The following CCNJL variants were observed in gnomAD, a reference collection of about 807,000 sequenced individuals.
CCNJL encodes the protein cyclin J like.
Under a neutral mutation model 33.4 loss-of-function variants are expected in CCNJL, and 33 were observed. The ratio of observed to expected loss-of-function variants is 0.99; its 90% CI spans 0.75 to 1.32. The LOEUF is 1.32. Among genes scored for constraint, CCNJL ranks in the 40% most tolerant of loss-of-function variants. CCNJL has a pLI of 0.00. For synonymous variants in CCNJL, 227 were observed against 220.9 expected (o/e 1.03, Z -0.24); for missense variants, 512 against 499.7 (o/e 1.02, Z -0.23).
intron 1 of CCNJL, among the ~76,000 whole-genome samples, chr5:160,324,916 A>G (rs1293666030): frequency 9.8e-5 from 15 of 152,328 alleles, no homozygotes; most frequent in Middle Eastern, 3.4e-3. Context: ...GATCTACACT[A>G]TAGAATACGA....
At chr5:160,267,753 T>C (rs1761665928) in intron 3 of CCNJL, among the ~76,000 whole-genome samples, 1 of 152,212 alleles carries the variant, frequency 6.6e-6, no homozygotes, top group South Asian at 2.1e-4. Flanking sequence ...GAAGAGATAG[T>C]GTCTCACTAT....
At chr5:160,291,231 G>A (rs1009719695) in intron 2 of CCNJL, among the ~76,000 whole-genome samples, 4 of 151,912 alleles carry the variant, frequency 2.6e-5, no homozygotes, top group African/African-American at 9.7e-5. Context: ...TGGAGAAGTG[G>A]AAGCTTCAAA....
At chr5:160,336,390 G>C (rs1005420378) in intron 1 of CCNJL, among the ~76,000 whole-genome samples, 1 of 152,208 alleles carries the variant, frequency 6.6e-6, no homozygotes, top group Non-Finnish European at 1.5e-5. Context: ...AGAGGAGAAG[G>C]CTGTGTGACC....
intron 3 of CCNJL, among the ~76,000 whole-genome samples, chr5:160,263,238 C>A (rs1334943183): frequency 6.6e-6 from 1 of 152,220 alleles, no homozygotes; most frequent in African/African-American, 2.4e-5. Context: ...AACACTTCAG[C>A]ATCCGTTCCT....
At chr5:160,338,299 C>T (rs1763706783) in intron 1 of CCNJL, among the ~76,000 whole-genome samples, 1 of 152,118 alleles carries the variant, frequency 6.6e-6, no homozygotes, top group Non-Finnish European at 1.5e-5. Flanking sequence ...ATTTGGGAGG[C>T]TGAGGCGGGA....
At chr5:160,326,867 T>A in intron 1 of CCNJL, 4 of 693,572 alleles carry the variant, frequency 5.8e-6, no homozygotes, top group South Asian at 5.4e-5. Flanking sequence ...AACCTTGTAT[T>A]AGATGATACA....
In CCNJL at chr5:160,255,601, T is replaced by A; in HGVS notation, c.691A>T (p.Ile231Phe). The change falls in exon 5 of 6, where the codon ATC (isoleucine) becomes TTC (phenylalanine). Residue 231 changes from isoleucine to phenylalanine, a missense_variant. Physicochemically the swap from Ile to Phe is conservative, Grantham distance 21. Transcript: ENST00000257536. ...AGGTGCTCCAGGGAATAGCTTGAGATCCTCTGCAGGTCTCTGGTCCAGTAG... is the reference window on the plus strand; with the variant it reads ...AGGTGCTCCAGGGAATAGCTTGAGAACCTCTGCAGGTCTCTGGTCCAGTAG... ...SPYWTRDLQR[I>F]SSYSLEHLST... 1 of 1,614,100 alleles carries A rather than the reference T, an allele frequency of 6.2e-7. No homozygotes were observed. Among genetic ancestry groups the A allele is most frequent in the East Asian group, 2.2e-5 (1 of 44,888 alleles).
At position 160,293,471 on chromosome 5, in the gene CCNJL, T is replaced by C. The variant is rs191804113; in HGVS notation, c.67-12733A>G. 2.1e-4 allele frequency among the ~76,000 whole-genome samples: 32 copies of C among 152,274 alleles called. No individual in the cohort carries two copies. The South Asian group carries it at 5.2e-3, about 25-fold the overall frequency. ...CTGATTATAAAATACTTAATCACTATAGGAATTTTAGAAAATACAGAGGAG... is the reference window on the plus strand; with the variant it reads ...CTGATTATAAAATACTTAATCACTACAGGAATTTTAGAAAATACAGAGGAG... On this transcript the variant is annotated intron_variant, in intron 2 of 5. Coordinates refer to ENST00000257536, the MANE Select transcript of CCNJL (RefSeq NM_001308173.3).
At chr5:160,279,977 G>A (rs1762150836) in intron 3 of CCNJL, among the ~76,000 whole-genome samples, 1 of 152,240 alleles carries the variant, frequency 6.6e-6, no homozygotes, top group South Asian at 2.1e-4. Context: ...AGTGAGGCCT[G>A]TTTGGAAGGT....
chr5:160,326,693 A>G lies in CCNJL; in HGVS notation n.207-11188T>C, dbSNP rs1460785420. 7.8e-6 allele frequency: 7 copies of G among 892,286 alleles called. No homozygotes were observed. The African/African-American group carries it at 1.2e-4, about 15-fold the overall frequency. The allele number at this position is 892,286 out of a possible 1,614,324, so 55.3% of individuals were successfully genotyped here. A position where few individuals can be genotyped will look rare whatever the true frequency, so the allele number is the denominator to read the frequency against. On this transcript the variant is annotated intron_variant and non_coding_transcript_variant, in intron 1 of 7. Transcript: ENST00000377503. The stretch of plus-strand genomic sequence containing the variant: ...GGTGTGCTCTTTGTGAAATTCCACC[A>G]TGGCATACCATGGCCAGGGCCAGAA...
intron 3 of CCNJL, among the ~76,000 whole-genome samples, chr5:160,264,524 A>C (rs1318986041): frequency 6.6e-6 from 1 of 151,396 alleles, no homozygotes; most frequent in Admixed American, 6.6e-5. Flanking sequence ...GATGCTGTGG[A>C]TCCAGCTTAC....
At chr5:160,260,057 G>C (rs1436930038) in intron 3 of CCNJL, among the ~76,000 whole-genome samples, 1 of 152,188 alleles carries the variant, frequency 6.6e-6, no homozygotes, top group African/African-American at 2.4e-5. Context: ...GCTTTTGTTA[G>C]AGTCAATGGG....
rs1038749895 is a variant in CCNJL, at chr5:160,250,049, T to G, written c.*3329A>C. The G allele has an allele frequency of 4.6e-5, 7 of 152,106 alleles. No homozygotes were observed. The highest frequency in any genetic ancestry group is 3.9e-4 in the Admixed American group (6 of 15,270). The allele number at this position is 152,106 out of a possible 1,614,324, so 9.4% of individuals were successfully genotyped here. On this transcript the variant is annotated 3_prime_UTR_variant, in exon 6 of 6. Transcript: ENST00000257536. ...ACTTTAAGACTATCTTTGTGCTTTTTAAAGCTTTCATAGCTGTCCTCCAGC... is the reference window on the plus strand; with the variant it reads ...ACTTTAAGACTATCTTTGTGCTTTTGAAAGCTTTCATAGCTGTCCTCCAGC...
intron 3 of CCNJL, among the ~76,000 whole-genome samples, chr5:160,272,438 A>C (rs1227456127): frequency 6.6e-6 from 1 of 152,206 alleles, no homozygotes; most frequent in Non-Finnish European, 1.5e-5. Context: ...CAGGCACTAA[A>C]AGCAATCAGT....
intron 1 of CCNJL, among the ~76,000 whole-genome samples, chr5:160,319,491 C>T (rs1763415149): frequency 6.6e-6 from 1 of 152,190 alleles, no homozygotes; most frequent in Non-Finnish European, 1.5e-5. Flanking sequence ...CATTGCCTTT[C>T]TTTCTGTTCT....
chr5:160,253,370 G>T lies in CCNJL; in HGVS notation c.*8C>A. 1 of 1,566,960 alleles carries T rather than the reference G, an allele frequency of 6.4e-7. No homozygotes were observed. The highest frequency in any genetic ancestry group is 8.7e-7 in the Non-Finnish European group (1 of 1,153,004). On this transcript the variant is annotated 3_prime_UTR_variant, in exon 6 of 6. Coordinates refer to ENST00000257536, the MANE Select transcript of CCNJL (RefSeq NM_001308173.3). ...CTCCAAGGCTTCCTCGTGAGGTCTG[G>T]AGGTGGCCTATCTGTCAAAGCAGCC... is the stretch of plus-strand genomic sequence containing the variant.
At position 160,249,242 on chromosome 5, in the gene CCNJL, AG is replaced by A. The variant is rs1436388466; in HGVS notation, c.*4135del. The A allele has an allele frequency of 2.7e-4, 41 of 152,344 alleles. No individual in the cohort carries two copies. The highest frequency in any genetic ancestry group is 2.4e-3 in the Admixed American group (36 of 15,292). The allele number at this position is 152,344 out of a possible 1,614,324, so 9.4% of individuals were successfully genotyped here. A position where few individuals can be genotyped will look rare whatever the true frequency, so the allele number is the denominator to read the frequency against. On this transcript the variant is annotated 3_prime_UTR_variant, in exon 6 of 6. Transcript: ENST00000257536. ...GTTTATCTATGGTCAGTTGTGGAAT[AG>A]GTCTGTTTCTATATGCACATGTAAC...
At chr5:160,330,598 C>T (rs1416152351) in intron 1 of CCNJL, among the ~76,000 whole-genome samples, 1 of 152,206 alleles carries the variant, frequency 6.6e-6, no homozygotes, top group Non-Finnish European at 1.5e-5. Flanking sequence ...ACCAGGTCAC[C>T]CCTGATTGCT....
Position 160,255,635 on chromosome 5 carries a change from C to G in CCNJL, c.657G>C (p.Gln219His). The G allele has an allele frequency of 6.2e-7, 1 of 1,614,116 alleles. No homozygotes were observed. Among genetic ancestry groups the G allele is most frequent in the Non-Finnish European group, 8.5e-7 (1 of 1,179,974 alleles). The change falls in exon 5 of 6, where the codon CAG (glutamine) becomes CAC (histidine). Residue 219 changes from glutamine (Q) to histidine (H), a missense_variant. By Grantham distance (24) the Gln-to-His change is conservative (BLOSUM62 0). Coordinates refer to ENST00000257536, the MANE Select transcript of CCNJL (RefSeq NM_001308173.3). ...ACVGASRICLQLSPYWTRDLQ... is the reference protein window; with the variant it reads ...ACVGASRICLHLSPYWTRDLQ... ...GGTCTCTGGTCCAGTAGGGAGAAAG[C>G]TGCAGGCAAATCCTGGAGGCCCCAA... is the stretch of plus-strand genomic sequence containing the variant.
Sources: allele counts gnomAD v4.1 joint callset (sites outside exome capture counted in the v4.1 genomes callset), GRCh38; gene constraint gnomAD v4.1.1; transcripts MANE v1.5; gene names NCBI Gene and HGNC (gene_info 2026-07-23, HGNC 2026-07-21).